Variants in RNF152 observed in about 807,000 individuals in gnomAD.
The protein encoded by RNF152 is ring finger protein 152, also known as E3 ubiquitin-protein ligase RNF152.
Under a neutral mutation model 12.7 loss-of-function variants are expected in RNF152, and 11 were observed. The ratio of observed to expected loss-of-function variants is 0.86; its 90% confidence interval spans 0.54 to 1.43. The LOEUF (loss-of-function observed/expected upper bound fraction) is 1.43. Among genes scored for constraint, RNF152 ranks in the 40% most tolerant of loss-of-function variants. RNF152 has a pLI of 0.00. For missense variants in RNF152, 255 were observed against 274.8 expected (o/e 0.93, Z 0.51); for synonymous variants, 113 against 120.3 (o/e 0.94, Z 0.40).
At chr18:61,869,439 G>A (rs1266008247) in intron 1 of RNF152, among the ~76,000 whole-genome samples, 1 of 152,102 alleles carries the variant, frequency 6.6e-6, no homozygotes, top group Non-Finnish European at 1.5e-5. Flanking sequence ...TTCTGTTACT[G>A]GAAAAGAACT....
intron 1 of RNF152, among the ~76,000 whole-genome samples, chr18:61,837,973 T>A (rs1004421308): frequency 2.0e-5 from 3 of 152,020 alleles, no homozygotes; most frequent in Non-Finnish European, 4.4e-5. Context: ...GTCCACACAC[T>A]CTTCAACCTC....
At chr18:61,817,525 G>A (rs1286153361) in intron 1 of RNF152, among the ~76,000 whole-genome samples, 2 of 152,126 alleles carry the variant, frequency 1.3e-5, no homozygotes, top group African/African-American at 4.8e-5. Context: ...GCGTTCTCAG[G>A]ATGCAAAGCC....
chr18:61,825,517 C>A (rs1234170559), intron 1 of RNF152, among the ~76,000 whole-genome samples: 2 of 152,322 alleles, frequency 1.3e-5, no homozygotes, highest in East Asian at 3.9e-4. Context: ...TTAAACATCA[C>A]AACTGACCCT....
chr18:61,863,470 T>C (rs1911584008), intron 1 of RNF152, among the ~76,000 whole-genome samples: 1 of 152,114 alleles, frequency 6.6e-6, no homozygotes, highest in Admixed American at 6.5e-5. Context: ...CCCTTGACTT[T>C]TTTCAGTTGT....
At position 61,815,701 on chromosome 18, in the gene RNF152, GTGTC is replaced by G; in HGVS notation, c.*147_*150del. 1 of 754,424 alleles carries G rather than the reference GTGTC, an allele frequency of 1.3e-6. No homozygotes were observed. The highest frequency in any genetic ancestry group is 2.2e-6 in the Non-Finnish European group (1 of 459,266). The allele number at this position is 754,424 out of a possible 1,614,324, so 46.7% of individuals were successfully genotyped here. ...GTTGAGACCGCACCTTCTGCCCTTT[GTGTC>G]TGTCTTGGGGTAATCAAGAGGCAAC... On this transcript the variant is annotated 3_prime_UTR_variant, in exon 2 of 2. Transcript: ENST00000312828.
At chr18:61,878,476 T>C (rs1912316229) in intron 1 of RNF152, among the ~76,000 whole-genome samples, 1 of 152,272 alleles carries the variant, frequency 6.6e-6, no homozygotes, top group African/African-American at 2.4e-5. Flanking sequence ...ACTCACGTGT[T>C]AATCACTTGT....
Position 61,877,600 on chromosome 18 carries a change from T to C in RNF152, c.-136+15195A>G, listed in dbSNP as rs373675676. Among the ~76,000 whole-genome samples the C allele has an allele frequency of 5.8e-4, 88 of 152,334 alleles. 2 individuals carry two copies. In the East Asian group the frequency reaches 5.8e-3, roughly 10 times the overall value. ...TTTATTACTTTCTACTGAAAGTATT[T>C]ATAGCTCAAAGCTGCTTGTTAATCA... On this transcript the variant is annotated intron_variant, in intron 1 of 1. Coordinates refer to ENST00000312828, the MANE Select transcript of RNF152 (RefSeq NM_173557.3).
chr18:61,818,203 G>A (rs1351427296), intron 1 of RNF152, among the ~76,000 whole-genome samples: 1 of 152,084 alleles, frequency 6.6e-6, no homozygotes, highest in Admixed American at 6.6e-5. Flanking sequence ...AGGGGGAATC[G>A]TTTGAGCTCA....
Position 61,813,476 on chromosome 18 carries a change from C to T in RNF152, c.*2376G>A, listed in dbSNP as rs528759279. The T allele has an allele frequency of 4.6e-5, 7 of 152,196 alleles. No homozygotes were observed. The highest frequency in any genetic ancestry group is 9.6e-5 in the African/African-American group (4 of 41,518). The allele number at this position is 152,196 out of a possible 1,614,324, so 9.4% of individuals were successfully genotyped here. Reference sequence around the variant, plus strand: ...TAAGGTCAAGAATCTACCATACAGCCGATTAATTTTGCACTGCTTAATGGC... The same window carrying T: ...TAAGGTCAAGAATCTACCATACAGCTGATTAATTTTGCACTGCTTAATGGC... On this transcript the variant is annotated 3_prime_UTR_variant, in exon 2 of 2. Coordinates refer to ENST00000312828, the MANE Select transcript of RNF152 (RefSeq NM_173557.3).
At chr18:61,827,479 C>A (rs986071181) in intron 1 of RNF152, among the ~76,000 whole-genome samples, 1 of 152,164 alleles carries the variant, frequency 6.6e-6, no homozygotes, top group African/African-American at 2.4e-5. Context: ...TGTTAAGACT[C>A]ATTTACTTTC....
intron 1 of RNF152, among the ~76,000 whole-genome samples, chr18:61,832,713 C>T (rs1017086271): frequency 2.6e-5 from 4 of 152,092 alleles, no homozygotes; most frequent in Non-Finnish European, 5.9e-5. Flanking sequence ...AGCAGAAAAT[C>T]ATTACAAGAG....
chr18:61,815,666 C>T lies in RNF152; in HGVS notation c.*186G>A, dbSNP rs923563163. On this transcript the variant is annotated 3_prime_UTR_variant, in exon 2 of 2. Transcript: ENST00000312828. ...GCCATCAACACTCAGAACAATTCAC[C>T]TGGTATCTTGTTGAGACCGCACCTT... 4 of 601,122 alleles carry T rather than the reference C, an allele frequency of 6.7e-6. No homozygotes were observed. Among genetic ancestry groups the T allele is most frequent in the Non-Finnish European group, 1.2e-5 (4 of 342,588 alleles). 37.2% of individuals were successfully genotyped at this position (601,122 alleles called of 1,614,324 possible). A position where few individuals can be genotyped will look rare whatever the true frequency, so the allele number is the denominator to read the frequency against.
At chr18:61,870,822 T>C (rs945964091) in intron 1 of RNF152, among the ~76,000 whole-genome samples, 1 of 152,152 alleles carries the variant, frequency 6.6e-6, no homozygotes, top group Admixed American at 6.5e-5. Flanking sequence ...TCTGTTCCCC[T>C]AACTCCTTCT....
intron 1 of RNF152, among the ~76,000 whole-genome samples, chr18:61,843,346 T>C (rs1346484858): frequency 6.6e-6 from 1 of 152,236 alleles, no homozygotes; most frequent in Non-Finnish European, 1.5e-5. Flanking sequence ...TTGTTGGCTA[T>C]TGTTTAAAAA....
intron 1 of RNF152, among the ~76,000 whole-genome samples, chr18:61,875,921 T>C (rs1912195730): frequency 6.6e-6 from 1 of 152,020 alleles, no homozygotes; most frequent in South Asian, 2.1e-4. Flanking sequence ...CAGATTAAGC[T>C]TCTAAAAACA....
At chr18:61,858,776 T>G (rs1006835760) in intron 1 of RNF152, among the ~76,000 whole-genome samples, 2 of 152,196 alleles carry the variant, frequency 1.3e-5, no homozygotes, top group Non-Finnish European at 2.9e-5. Context: ...GCCAGCAGTT[T>G]GCATTCAGCA....
At chr18:61,846,213 A>ACT (rs1485917261) in intron 1 of RNF152, among the ~76,000 whole-genome samples, 1 of 151,132 alleles carries the variant, frequency 6.6e-6, no homozygotes, top group East Asian at 1.9e-4. Context: ...CAACCCAAAC[A>ACT]CTCTCTCTTG....
Position 61,812,242 on chromosome 18 carries a change from AC to A in RNF152, c.*3609del, listed in dbSNP as rs1179269384. The stretch of plus-strand genomic sequence containing the variant: ...GAAATCCAGTTCTTCCCTTGTAGTA[AC>A]CCCATTTTAACTGCCTAAAAGTCAA... On this transcript the variant is annotated 3_prime_UTR_variant, in exon 2 of 2. Coordinates refer to ENST00000312828, the MANE Select transcript of RNF152 (RefSeq NM_173557.3). 6.6e-6 allele frequency: 1 copy of A among 152,090 alleles called. No homozygotes were observed. The highest frequency in any genetic ancestry group is 1.5e-5 in the Non-Finnish European group (1 of 68,012). 9.4% of individuals were successfully genotyped at this position (152,090 alleles called of 1,614,324 possible).
intron 1 of RNF152, among the ~76,000 whole-genome samples, chr18:61,874,294 G>A (rs1245241772): frequency 1.3e-5 from 2 of 152,182 alleles, no homozygotes; most frequent in East Asian, 1.9e-4. Flanking sequence ...GTCTTTTGAA[G>A]AGCAGACAAA....
Sources: allele counts gnomAD v4.1 joint callset (sites outside exome capture counted in the v4.1 genomes callset), GRCh38; gene constraint gnomAD v4.1.1; transcripts MANE v1.5; gene names NCBI Gene and HGNC (gene_info 2026-07-23, HGNC 2026-07-21).